Variants in HMCN2 observed in about 807,000 individuals in gnomAD.
HMCN2 encodes hemicentin-2.
A neutral mutation model predicts 377.5 loss-of-function variants in HMCN2; 325 were observed. The ratio of observed to expected loss-of-function variants is 0.86; its 90% CI spans 0.79 to 0.94. The LOEUF is 0.94. HMCN2 is among the 40% of genes least tolerant of loss of function. HMCN2 has a pLI of 0.00. For synonymous variants in HMCN2, 2,007 were observed against 2,046.8 expected (o/e 0.98, Z 0.53); for missense variants, 4,543 against 4,725.3 (o/e 0.96, Z 1.13).
intron 15 of HMCN2, among the ~76,000 whole-genome samples, chr9:130,310,886 C>T (rs1229924246): frequency 6.6e-6 from 1 of 152,180 alleles, no homozygotes; most frequent in Non-Finnish European, 1.5e-5. Context: ...TACTCCCCTC[C>T]TTGGGTTGCT....
At position 130,433,378 on chromosome 9, in the gene HMCN2, C is replaced by A; in HGVS notation, c.14925C>A (p.Cys4975Ter). 2 of 1,477,112 alleles carry A rather than the reference C, an allele frequency of 1.4e-6. No individual in the cohort carries two copies. The highest frequency in any genetic ancestry group is 1.8e-6 in the Non-Finnish European group (2 of 1,121,736). 91.5% of individuals were successfully genotyped at this position (1,477,112 alleles called of 1,614,324 possible). A position where few individuals can be genotyped will look rare whatever the true frequency, so the allele number is the denominator to read the frequency against. Residue 4975 changes from cysteine (C) to a stop codon, truncating the protein, a stop_gained, in exon 98 of 98, where the codon TGC (cysteine) becomes TGA (stop). Coordinates refer to ENST00000683500, the MANE Select transcript of HMCN2 (RefSeq NM_001291815.2). LOFTEE classifies it high-confidence loss of function. ...GCTTCCGGCGCTGCTCGCAGGACTG[C>A]GGCACGGGCGGCCCCTCTACGCTGC... ...GTCFRRCSQDCGTGGPSTLQY... is the reference protein window; with the variant it reads ...GTCFRRCSQD
chr9:130,382,964 C>A, intron 56 of HMCN2, 98 bp downstream of exon 56: 1 of 724,756 alleles, frequency 1.4e-6, no homozygotes, highest in Non-Finnish European at 1.7e-6. Context: ...GCAAATGAGG[C>A]TCTTTGCTGG....
chr9:130,392,181 G>A lies in HMCN2; in HGVS notation c.10136+63G>A, dbSNP rs552665391. The A allele has an allele frequency of 3.4e-5, 33 of 977,890 alleles. No individual in the cohort carries two copies. The South Asian group carries it at 1.4e-3, about 41-fold the overall frequency. 60.6% of individuals were successfully genotyped at this position (977,890 alleles called of 1,614,324 possible). On this transcript the variant is annotated intron_variant, in intron 66 of 97. Transcript: ENST00000683500. ...CAGAGTGGACATGTGGGGATTGTCA[G>A]CAAATGGGAGGTGCTGGAAGCCAGG...
In HMCN2 at chr9:130,354,743, G is replaced by T; in HGVS notation, c.4865-20G>T. ...AGCGTCCAGCTGTGGTCCCCAAGCCGCCCCCTGCCTCTTTTCCAGTCCCAC... is the reference window on the plus strand; with the variant it reads ...AGCGTCCAGCTGTGGTCCCCAAGCCTCCCCCTGCCTCTTTTCCAGTCCCAC... On this transcript the variant is annotated intron_variant, in intron 31 of 97. Transcript: ENST00000683500. 1 of 1,271,284 alleles carries T rather than the reference G, an allele frequency of 7.9e-7. No individual in the cohort carries two copies. Among genetic ancestry groups the T allele is most frequent in the Non-Finnish European group, 1.0e-6 (1 of 972,478 alleles). 78.8% of individuals were successfully genotyped at this position (1,271,284 alleles called of 1,614,324 possible).
Position 130,348,586 on chromosome 9 carries a change from T to C in HMCN2, c.4066T>C (p.Ser1356Pro). The change falls in exon 27 of 98, where the codon TCG becomes CCG. Residue 1356 changes from serine (S) to proline (P), a missense_variant. Ser to Pro is a moderately conservative substitution (Grantham distance 74, BLOSUM62 -1). Transcript: ENST00000683500. Reference protein sequence around the residue: ...IREDGRKANVSGMAGQSLTLE... With the variant: ...IREDGRKANVPGMAGQSLTLE... ...GGAGGACGGGCGCAAGGCCAACGTGTCGGGTATGGCCGGGCAGTCCCTGAC... is the reference window on the plus strand; with the variant it reads ...GGAGGACGGGCGCAAGGCCAACGTGCCGGGTATGGCCGGGCAGTCCCTGAC... 7.7e-7 allele frequency: 1 copy of C among 1,304,222 alleles called. No individual in the cohort carries two copies. The allele number at this position is 1,304,222 out of a possible 1,614,324, so 80.8% of individuals were successfully genotyped here. A position where few individuals can be genotyped will look rare whatever the true frequency, so the allele number is the denominator to read the frequency against.
chr9:130,343,088 G>A (rs1839148853), intron 25 of HMCN2, among the ~76,000 whole-genome samples: 1 of 152,188 alleles, frequency 6.6e-6, no homozygotes, highest in African/African-American at 2.4e-5. Flanking sequence ...CCCCACGCGT[G>A]CACAGGGCTG....
intron 40 of HMCN2, among the ~76,000 whole-genome samples, chr9:130,363,684 A>G (rs991216380): frequency 6.6e-6 from 1 of 151,908 alleles, no homozygotes; most frequent in Non-Finnish European, 1.5e-5. Context: ...TTAGCTGGGT[A>G]TGGTGGTGCG....
intron 25 of HMCN2, among the ~76,000 whole-genome samples, chr9:130,342,945 A>T (rs1312527905): frequency 3.3e-5 from 5 of 152,278 alleles, no homozygotes; most frequent in African/African-American, 4.8e-5. Context: ...CCCAGCGCCG[A>T]ACCCTGCCCT....
rs889933653 is a variant in HMCN2, at chr9:130,396,183, C to T, written c.11068C>T (p.Arg3690Trp). 100 of 1,274,156 alleles carry T rather than the reference C, an allele frequency of 7.8e-5. 1 individual carries two copies. In the Middle Eastern group the frequency reaches 2.3e-3, roughly 30 times the overall value. 78.9% of individuals were successfully genotyped at this position (1,274,156 alleles called of 1,614,324 possible). A position where few individuals can be genotyped will look rare whatever the true frequency, so the allele number is the denominator to read the frequency against. ...RVEIHTVPTI[R>W]SGPPAVNVSV... Reference sequence around the variant, plus strand: ...CCCCTCCCCAGCGGTGCCCACCATCCGGTCAGGACCACCTGCAGTGAACGT... The same window carrying T: ...CCCCTCCCCAGCGGTGCCCACCATCTGGTCAGGACCACCTGCAGTGAACGT... The change falls in exon 73 of 98, where the codon CGG (arginine) becomes TGG (tryptophan). Residue 3690 changes from arginine (R) to tryptophan (W), a missense_variant. Transcript: ENST00000683500.
intron 61 of HMCN2, among the ~76,000 whole-genome samples, chr9:130,387,575 G>T (rs1173547646): frequency 2.0e-5 from 3 of 152,214 alleles, no homozygotes; most frequent in African/African-American, 7.2e-5. Flanking sequence ...ATTAGTGAGC[G>T]CTCAGGCAGC....
At chr9:130,370,694 G>A (rs1181590218) in intron 45 of HMCN2, among the ~76,000 whole-genome samples, 1 of 152,192 alleles carries the variant, frequency 6.6e-6, no homozygotes, top group Non-Finnish European at 1.5e-5. Flanking sequence ...GCACTTTCAC[G>A]TGTTCCTGTT....
chr9:130,397,550 TC>T lies in HMCN2; in HGVS notation c.11224del (p.Leu3742Ter), dbSNP rs1842665220. The T allele has an allele frequency of 7.8e-7, 1 of 1,289,726 alleles. No individual in the cohort carries two copies. The highest frequency in any genetic ancestry group is 1.0e-6 in the Non-Finnish European group (1 of 988,896). 79.9% of individuals were successfully genotyped at this position (1,289,726 alleles called of 1,614,324 possible). ...TAGGTTTGAAATTCTGCCTGAGGGT[TC>T]CCTGAGAATCCAGCCAGTCCTTGCC... ...SPRFEILPEG[S>X]LRIQPVLAQD... On this transcript the variant is annotated frameshift_variant, in exon 74 of 98. Coordinates refer to ENST00000683500, the MANE Select transcript of HMCN2 (RefSeq NM_001291815.2). LOFTEE classifies it high-confidence loss of function.
At position 130,391,119 on chromosome 9, in the gene HMCN2, G is replaced by A. The variant is rs1014641801; in HGVS notation, c.9666G>A (p.Leu3222=). Residue 3222 remains leucine, a splice_region_variant and synonymous_variant, in exon 63 of 98, where the codon CTG becomes CTA. Transcript: ENST00000683500. ...GCAAGGACTTCGTGGTAGCAGTGCT[G>A]GGTAGGTCTGCGCCTGCACCCTCCT... ...EARKDFVVAV[L]VAPRIRSSGV... is the part of the protein sequence containing the mutation. The A allele has an allele frequency of 4.0e-6, 4 of 987,798 alleles. No individual in the cohort carries two copies. The African/African-American group carries it at 5.2e-5, about 13-fold the overall frequency. The allele number at this position is 987,798 out of a possible 1,614,324, so 61.2% of individuals were successfully genotyped here. A position where few individuals can be genotyped will look rare whatever the true frequency, so the allele number is the denominator to read the frequency against.
At position 130,374,635 on chromosome 9, in the gene HMCN2, C is replaced by G. The variant is rs888300138; in HGVS notation, c.7572C>G (p.Ser2524=). ...QANLSSAGHY[S]CIAANAVGEK... ...ACCTGTCCAGTGCTGGCCACTACTC[C>G]TGCATTGCAGCCAACGCTGTTGGGG... The change falls in exon 49 of 98, where the codon TCC becomes TCG. Residue 2524 remains serine, a synonymous_variant. Transcript: ENST00000683500. 7.1e-6 allele frequency: 7 copies of G among 985,712 alleles called. No individual in the cohort carries two copies. In the African/African-American group the frequency reaches 1.0e-4, roughly 15 times the overall value. 61.1% of individuals were successfully genotyped at this position (985,712 alleles called of 1,614,324 possible).
At chr9:130,362,652 A>T (rs1368266779) in intron 39 of HMCN2, among the ~76,000 whole-genome samples, 1 of 152,002 alleles carries the variant, frequency 6.6e-6, no homozygotes, top group Non-Finnish European at 1.5e-5. Context: ...GCTCTAGAGG[A>T]CTCTTCCTGA....
chr9:130,297,434 C>T (rs1430493641), intron 7 of HMCN2, among the ~76,000 whole-genome samples: 4 of 152,272 alleles, frequency 2.6e-5, no homozygotes, highest in Admixed American at 6.5e-5. Flanking sequence ...GTTTCTGGTG[C>T]GGGCTGCCTG....
chr9:130,367,681 C>T (rs1390023183), intron 43 of HMCN2, among the ~76,000 whole-genome samples: 1 of 152,006 alleles, frequency 6.6e-6, no homozygotes, highest in Non-Finnish European at 1.5e-5. Flanking sequence ...GTGGCTCACA[C>T]CTGTAATCCC....
intron 43 of HMCN2, among the ~76,000 whole-genome samples, chr9:130,367,890 C>G (rs11243752): frequency 6.9e-6 from 1 of 145,322 alleles, no homozygotes; most frequent in African/African-American, 2.6e-5. Context: ...TGCAGTGAGC[C>G]GAGATGGTGG....
At chr9:130,270,683 TG>T (rs1834366186) in intron 1 of HMCN2, among the ~76,000 whole-genome samples, 1 of 149,190 alleles carries the variant, frequency 6.7e-6, no homozygotes, top group African/African-American at 2.4e-5. Context: ...AGCATAGTAA[TG>T]TAAGATGTTA....
Sources: allele counts gnomAD v4.1 joint callset (sites outside exome capture counted in the v4.1 genomes callset), GRCh38; gene constraint gnomAD v4.1.1; transcripts MANE v1.5; gene names NCBI Gene and HGNC (gene_info 2026-07-23, HGNC 2026-07-21).